Variants in SOBP observed in about 807,000 individuals in gnomAD.
The protein encoded by SOBP is sine oculis binding protein homolog.
Under a neutral mutation model 53.6 loss-of-function variants are expected in SOBP, and 4 were observed. The observed-to-expected ratio is 0.07, with a 90% CI of 0.04 to 0.17. SOBP has a LOEUF of 0.17. SOBP is among the 10% of genes least tolerant of loss of function. The pLI is 1.00. For missense variants in SOBP, 1,088 were observed against 1,204.7 expected, an observed-to-expected ratio of 0.90 and a Z score of 1.43; for synonymous variants, 584 against 522.6, an observed-to-expected ratio of 1.12 and a Z score of -1.60.
At chr6:107,491,359 C>T (rs1782577007) in intron 1 of SOBP, among the ~76,000 whole-genome samples, 2 of 152,354 alleles carry the variant, frequency 1.3e-5, no homozygotes, top group South Asian at 4.1e-4. Context: ...CCAAGCAGAC[C>T]CCGGCCAGCC....
intron 6 of SOBP, among the ~76,000 whole-genome samples, chr6:107,639,990 A>AG (rs1301128604): frequency 6.6e-6 from 1 of 152,168 alleles, no homozygotes; most frequent in African/African-American, 2.4e-5. Flanking sequence ...CAGGCTCAGC[A>AG]GGGGGGACTT....
chr6:107,635,982 A>C lies in SOBP; in HGVS notation c.*3+513A>C, dbSNP rs1771022933. 6.6e-6 allele frequency among the ~76,000 whole-genome samples: 1 copy of C among 152,316 alleles called. No homozygotes were observed. Among genetic ancestry groups the C allele is most frequent in the South Asian group, 2.1e-4 (1 of 4,816 alleles). On this transcript the variant is annotated intron_variant, in intron 6 of 6. Transcript: ENST00000317357. The surrounding 1 kb of genome is among the most constrained non-coding windows in gnomAD (Gnocchi z 4.5). ...AGAATGTCACCAAATTTTCTTGATA[A>C]GGACGGGATTCCATTTGTAAAGTGA...
chr6:107,557,371 G>A (rs1784643718), intron 4 of SOBP, among the ~76,000 whole-genome samples: 1 of 152,194 alleles, frequency 6.6e-6, no homozygotes, highest in Admixed American at 6.5e-5. Flanking sequence ...TCTGTGAACT[G>A]TAGGCTTGCT....
intron 5 of SOBP, among the ~76,000 whole-genome samples, chr6:107,621,363 G>A (rs1770155239): frequency 6.6e-6 from 1 of 152,194 alleles, no homozygotes; most frequent in Non-Finnish European, 1.5e-5. Flanking sequence ...TTTTCAACCA[G>A]GTAGTTAGCA....
At position 107,635,395 on chromosome 6, in the gene SOBP, A is replaced by G; in HGVS notation, c.2551A>G (p.Ser851Gly). ...GTGCATCATCTCCTCGCCCATGCTC[A>G]GCGCCGGGCCTGAGGACCTGGAGCC... ...APCIISSPMLSAGPEDLEPPL... is the reference protein window; with the variant it reads ...APCIISSPMLGAGPEDLEPPL... The change falls in exon 6 of 7, where the codon AGC becomes GGC. Residue 851 changes from serine to glycine, a missense_variant. Physicochemically the swap from Ser to Gly is moderately conservative, Grantham distance 56. Coordinates refer to ENST00000317357, the MANE Select transcript of SOBP (RefSeq NM_018013.4). The surrounding 1 kb of genome is among the most constrained non-coding windows in gnomAD (Gnocchi z 4.5). The G allele has an allele frequency of 5.6e-6, 9 of 1,613,408 alleles. No individual in the cohort carries two copies. The highest frequency in any genetic ancestry group is 1.7e-5 in the Admixed American group (1 of 60,018).
chr6:107,587,319 C>G, intron 5 of SOBP, 144 bp downstream of exon 5: 1 of 687,988 alleles, frequency 1.5e-6, no homozygotes, highest in Non-Finnish European at 2.5e-6. Context: ...TCTGATATCA[C>G]TGAATATTAA....
chr6:107,645,900 C>T (rs142025061), intron 6 of SOBP, among the ~76,000 whole-genome samples: 101 of 152,276 alleles, frequency 6.6e-4, no homozygotes, highest in African/African-American at 2.3e-3. Flanking sequence ...GATGACCTTC[C>T]GGTTCACTTG....
In SOBP at chr6:107,541,060, C is replaced by T. The variant is rs551844219; in HGVS notation, c.573+7450C>T. 3.9e-5 allele frequency among the ~76,000 whole-genome samples: 6 copies of T among 152,270 alleles called. No homozygotes were observed. In the East Asian group the frequency reaches 1.2e-3, roughly 29 times the overall value. On this transcript the variant is annotated intron_variant, in intron 4 of 6. Coordinates refer to ENST00000317357, the MANE Select transcript of SOBP (RefSeq NM_018013.4). ...AGTAAATAGCGGAATAAAATCCATT[C>T]CTGATTAAGTCCTCAAAATGTCAAA...
intron 4 of SOBP, among the ~76,000 whole-genome samples, chr6:107,546,503 A>G (rs1229978475): frequency 6.6e-6 from 1 of 152,206 alleles, no homozygotes; most frequent in Non-Finnish European, 1.5e-5. Flanking sequence ...GCCTCTCTCA[A>G]GGGTCTGCTT....
chr6:107,546,718 A>T (rs899920195), intron 4 of SOBP, among the ~76,000 whole-genome samples: 1 of 151,644 alleles, frequency 6.6e-6, no homozygotes, highest in African/African-American at 2.4e-5. Flanking sequence ...GAAAAACAAA[A>T]CAAACAAACA....
At chr6:107,510,816 C>G (rs1783148793) in intron 3 of SOBP, 1 of 152,180 alleles carries the variant, frequency 6.6e-6, no homozygotes, top group Non-Finnish European at 1.5e-5. Flanking sequence ...CAAAAGGCCC[C>G]TTGATAATCA....
intron 3 of SOBP, among the ~76,000 whole-genome samples, chr6:107,526,773 T>C (rs895585123): frequency 5.9e-5 from 9 of 152,240 alleles, no homozygotes; most frequent in African/African-American, 2.2e-4. Context: ...TGAAAATTAA[T>C]TTTAAAGTCT....
Position 107,635,289 on chromosome 6 carries a change from C to G in SOBP, c.2445C>G (p.Ala815=). The stretch of plus-strand genomic sequence containing the variant: ...ATAACCCCGCGGACGAGGACCATGC[C>G]TATGCTCTGCGGATGCTGCCCAAGA... ...NLNNPADEDH[A]YALRMLPKTG... is the part of the protein sequence containing the mutation. Residue 815 remains alanine, a synonymous_variant, in exon 6 of 7, where the codon GCC becomes GCG. Transcript: ENST00000317357. This position sits in a 1 kb window ranked among gnomAD's most constrained non-coding sequence, Gnocchi z 4.5. The G allele has an allele frequency of 1.2e-6, 2 of 1,613,864 alleles. No individual in the cohort carries two copies. The highest frequency in any genetic ancestry group is 1.1e-5 in the South Asian group (1 of 91,084).
At chr6:107,616,346 TCTGAGA>T (rs902165045) in intron 5 of SOBP, among the ~76,000 whole-genome samples, 2 of 152,188 alleles carry the variant, frequency 1.3e-5, no homozygotes, top group African/African-American at 4.8e-5. Flanking sequence ...CAGGCTCCCT[TCTGAGA>T]CTAAGAACAG....
intron 4 of SOBP, among the ~76,000 whole-genome samples, chr6:107,545,784 C>G (rs1261260836): frequency 6.6e-6 from 1 of 152,038 alleles, no homozygotes; most frequent in Non-Finnish European, 1.5e-5. Flanking sequence ...GATCTAGTAG[C>G]TCCTGAAAGC....
rs199673718 is a variant in SOBP, at chr6:107,633,963, G to A, written c.1119G>A (p.Gly373=). Residue 373 remains glycine, a synonymous_variant, in exon 6 of 7, where the codon GGG becomes GGA. Coordinates refer to ENST00000317357, the MANE Select transcript of SOBP (RefSeq NM_018013.4). ...CCGTCCAGCCACCTGCTAGCATCGG[G>A]CCTCCCCTTGGCGTCCCGCCTCGGA... ...PVSVQPPASI[G]PPLGVPPRSP... The A allele has an allele frequency of 2.5e-6, 4 of 1,614,106 alleles. No homozygotes were observed. The African/African-American group carries it at 4.0e-5, about 16-fold the overall frequency.
intron 3 of SOBP, among the ~76,000 whole-genome samples, chr6:107,516,421 T>C (rs1159942283): frequency 6.6e-6 from 1 of 151,204 alleles, no homozygotes; most frequent in Non-Finnish European, 1.5e-5. Flanking sequence ...GAGGTTGTGA[T>C]GAGCTGGGAT....
chr6:107,595,828 G>A (rs1421604241), intron 5 of SOBP, among the ~76,000 whole-genome samples: 1 of 152,054 alleles, frequency 6.6e-6, no homozygotes, highest in East Asian at 1.9e-4. Flanking sequence ...AGAGATGGGA[G>A]GACTGGTAAG....
At chr6:107,536,837 G>C (rs910324577) in intron 4 of SOBP, among the ~76,000 whole-genome samples, 1 of 152,166 alleles carries the variant, frequency 6.6e-6, no homozygotes, top group Admixed American at 6.5e-5. Flanking sequence ...TCTAGGAAGT[G>C]GATAGTGTTA....
Sources: allele counts gnomAD v4.1 joint callset (sites outside exome capture counted in the v4.1 genomes callset), GRCh38; gene constraint gnomAD v4.1.1; non-coding constraint Gnocchi (gnomAD v3.1); transcripts MANE v1.5; gene names NCBI Gene and HGNC (gene_info 2026-07-23, HGNC 2026-07-21).